The following POLK variants were observed in gnomAD, a reference collection of about 807,000 sequenced individuals.
POLK encodes the protein DNA polymerase kappa.
In POLK, 76 loss-of-function variants were observed where a neutral mutation model predicts 94.0. The observed-to-expected ratio is 0.81, with a 90% CI of 0.67 to 0.98. POLK has a LOEUF of 0.98. Ranked by LOEUF, POLK falls within the 50% of genes least tolerant of loss-of-function variation. The probability of loss-of-function intolerance (pLI) is 0.00; values close to 1 mark genes in which losing one functional copy is unlikely to be tolerated. For synonymous variants in POLK, 349 were observed against 325.4 expected (o/e 1.07, Z -0.78); for missense variants, 954 against 1,010.1 (o/e 0.94, Z 0.75).
exon 13 of POLK, chr5:75,596,448 T>C: frequency 3.1e-6 from 5 of 1,613,810 alleles, no homozygotes; most frequent in Non-Finnish European, 4.2e-6. Flanking sequence ...CATTTAAATG[T>C]GAAGCCGTGA....
intron 3 of POLK, among the ~76,000 whole-genome samples, chr5:75,567,891 A>C (rs369402416): frequency 6.6e-6 from 1 of 152,168 alleles, no homozygotes; most frequent in East Asian, 1.9e-4. Flanking sequence ...GAAGCCTCCT[A>C]CAGATTTCAC....
At chr5:75,550,126 T>C (rs1364124087) in intron 2 of POLK, among the ~76,000 whole-genome samples, 1 of 152,160 alleles carries the variant, frequency 6.6e-6, no homozygotes, top group Admixed American at 6.5e-5. Flanking sequence ...TCCCAACTCC[T>C]ATGAGGCCAG....
chr5:75,536,492 G>A (rs1465187232), intron 1 of POLK, among the ~76,000 whole-genome samples: 5 of 152,102 alleles, frequency 3.3e-5, no homozygotes, highest in Non-Finnish European at 7.4e-5. Context: ...CTGCCATCTG[G>A]GTGTTTCCAT....
In POLK at chr5:75,583,235, A is replaced by G. The variant is rs140906457; in HGVS notation, c.935-58A>G. 72 of 1,296,172 alleles carry G rather than the reference A, an allele frequency of 5.6e-5. No individual in the cohort carries two copies. The Middle Eastern group carries it at 7.8e-4, about 14-fold the overall frequency. The allele number at this position is 1,296,172 out of a possible 1,614,324, so 80.3% of individuals were successfully genotyped here. ...CTTTTTTTTTCTGTTTTGTTATTGC[A>G]TATTTAAAAGTCATACATATCAACT... On this transcript the variant is annotated intron_variant, in intron 7 of 14. Transcript: ENST00000241436.
rs777519490 is a variant in POLK, at chr5:75,573,735, C to T, written c.409-3C>T. ...TTTTTCCATGTGGTCAATTTTCTTT[C>T]AGTCTACTTCAAATTACCATGCAAG... is the stretch of plus-strand genomic sequence containing the variant. On this transcript the variant is annotated splice_region_variant and splice_polypyrimidine_tract_variant and intron_variant, in intron 4 of 14. Transcript: ENST00000241436. The T allele has an allele frequency of 6.2e-7, 1 of 1,611,562 alleles. No individual in the cohort carries two copies. The highest frequency in any genetic ancestry group is 8.5e-7 in the Non-Finnish European group (1 of 1,177,946).
At chr5:75,567,972 A>G (rs1771369337) in intron 3 of POLK, among the ~76,000 whole-genome samples, 1 of 152,204 alleles carries the variant, frequency 6.6e-6, no homozygotes, top group Admixed American at 6.5e-5. Context: ...TTAACCTGCG[A>G]CTAGTGGGCA....
chr5:75,597,602 T>C, intron 13 of POLK, 145 bp from the exon 14 acceptor site: 1 of 445,766 alleles, frequency 2.2e-6, no homozygotes, highest in Non-Finnish European at 4.0e-6. Context: ...TACAAAGAAA[T>C]TATAGTTTTT....
At chr5:75,593,416 C>T (rs762513328) in intron 11 of POLK, among the ~76,000 whole-genome samples, 2 of 152,146 alleles carry the variant, frequency 1.3e-5, no homozygotes, top group East Asian at 1.9e-4. Flanking sequence ...CCACTGCAGC[C>T]GGCCTCTTAT....
chr5:75,538,371 C>G (rs1177896153), intron 1 of POLK, among the ~76,000 whole-genome samples: 4 of 152,176 alleles, frequency 2.6e-5, no homozygotes, highest in Admixed American at 2.0e-4. Flanking sequence ...ATTAAGCTAA[C>G]TTAAACCACA....
intron 7 of POLK, chr5:75,582,286 A>G: frequency 4.9e-6 from 1 of 203,616 alleles, no homozygotes; most frequent in Non-Finnish European, 8.8e-6. Context: ...TGTAAAAGCC[A>G]TATTGTGATT....
At chr5:75,568,883 G>A (rs1771427641) in intron 3 of POLK, 2 of 220,340 alleles carry the variant, frequency 9.1e-6, no homozygotes, top group South Asian at 1.1e-4. Flanking sequence ...TTACATTGAA[G>A]CTTTTAGTTA....
chr5:75,604,385 C>A (rs1055039995), downstream of POLK, among the ~76,000 whole-genome samples: 2 of 152,012 alleles, frequency 1.3e-5, no homozygotes, highest in Non-Finnish European at 2.9e-5. Flanking sequence ...TGGTGCTGAA[C>A]TGTTGTTTTT....
intron 3 of POLK, among the ~76,000 whole-genome samples, chr5:75,559,523 G>GTTTTTTTTTTTTTTTT (rs775525619): frequency 9.1e-5 from 5 of 54,680 alleles, no homozygotes; most frequent in Admixed American, 2.4e-4. Flanking sequence ...GTTTTGTTTT[G>GTTTTTTTTTTTTTTTT]TTTTTTTTTT....
At chr5:75,580,277 G>A (rs1233058665) in intron 6 of POLK, among the ~76,000 whole-genome samples, 3 of 151,940 alleles carry the variant, frequency 2.0e-5, no homozygotes, top group Admixed American at 6.6e-5. Context: ...AAAATTACGA[G>A]ATGGGATCAG....
At chr5:75,586,321 A>T (rs891303800) in intron 9 of POLK, among the ~76,000 whole-genome samples, 6 of 152,092 alleles carry the variant, frequency 3.9e-5, no homozygotes, top group Non-Finnish European at 7.4e-5. Context: ...TATATTTGTT[A>T]TCTGTCTTTC....
chr5:75,573,447 G>A (rs1771705873), intron 4 of POLK, among the ~76,000 whole-genome samples: 1 of 152,020 alleles, frequency 6.6e-6, no homozygotes, highest in Admixed American at 6.6e-5. Flanking sequence ...ACACCAACAT[G>A]GCACATGTAT....
chr5:75,547,237 A>G, intron 2 of POLK, 80 bp downstream of exon 2: 1 of 557,192 alleles, frequency 1.8e-6, no homozygotes, highest in Non-Finnish European at 2.8e-6. Context: ...TTTGAATATC[A>G]TTTGTATTTA....
At chr5:75,522,549 T>C (rs1183067499) in intron 1 of POLK, among the ~76,000 whole-genome samples, 1 of 152,218 alleles carries the variant, frequency 6.6e-6, no homozygotes, top group Non-Finnish European at 1.5e-5. Flanking sequence ...GTTTCTATGC[T>C]TTTCTGCTTT....
At chr5:75,544,345 T>TG (rs1769902043) in intron 1 of POLK, among the ~76,000 whole-genome samples, 1 of 152,070 alleles carries the variant, frequency 6.6e-6, no homozygotes, top group Non-Finnish European at 1.5e-5. Flanking sequence ...AACCCACCCC[T>TG]GTCTCTAAAA....
Sources: gnomAD v4.1 joint callset for allele counts (sites outside exome capture counted in the v4.1 genomes callset) on GRCh38, gnomAD v4.1.1 for gene constraint, MANE v1.5 for transcripts, NCBI Gene and HGNC (gene_info 2026-07-23, HGNC 2026-07-21) for gene names.